Variants in SH3RF3 observed in about 807,000 individuals in gnomAD.
SH3RF3 encodes SH3 domain containing ring finger 3.
A neutral mutation model predicts 66.3 loss-of-function variants in SH3RF3; 29 were observed. That is an observed-to-expected ratio of 0.44 (90% CI 0.33 to 0.60). The LOEUF is 0.60. Ranked by LOEUF, SH3RF3 falls within the 20% of genes least tolerant of loss-of-function variation. The probability of loss-of-function intolerance (pLI) is 0.04; values close to 1 mark genes in which losing one functional copy is unlikely to be tolerated. For missense variants in SH3RF3, 1,194 were observed against 1,190.9 expected (o/e 1.00, Z -0.04); for synonymous variants, 583 against 532.0 (o/e 1.10, Z -1.32).
chr2:109,171,678 C>T (rs1450953669), intron 1 of SH3RF3, among the ~76,000 whole-genome samples: 1 of 152,232 alleles, frequency 6.6e-6, no homozygotes, highest in African/African-American at 2.4e-5. Flanking sequence ...TAGTCTGGGC[C>T]TTTGGGAGTT....
chr2:109,427,416 C>T (rs1677058523), intron 5 of SH3RF3, among the ~76,000 whole-genome samples: 1 of 152,122 alleles, frequency 6.6e-6, no homozygotes, highest in South Asian at 2.1e-4. Flanking sequence ...AATATTTGCT[C>T]TATTGGGGCA....
intron 1 of SH3RF3, among the ~76,000 whole-genome samples, chr2:109,275,006 G>A (rs1335394418): frequency 6.6e-6 from 1 of 152,048 alleles, no homozygotes; most frequent in Non-Finnish European, 1.5e-5. Flanking sequence ...CTAGTTCTAA[G>A]CACCATTTAT....
At chr2:109,356,258 C>A (rs1682942151) in intron 2 of SH3RF3, among the ~76,000 whole-genome samples, 1 of 152,156 alleles carries the variant, frequency 6.6e-6, no homozygotes, top group African/African-American at 2.4e-5. Flanking sequence ...TAGGAACATT[C>A]TAGATCCCAC....
intron 1 of SH3RF3, among the ~76,000 whole-genome samples, chr2:109,269,542 A>G (rs1003088183): frequency 2.0e-5 from 3 of 152,210 alleles, no homozygotes; most frequent in African/African-American, 7.2e-5. Flanking sequence ...GCACTTTGGG[A>G]GGCCAAGTCT....
intron 5 of SH3RF3, among the ~76,000 whole-genome samples, chr2:109,430,693 G>A (rs1677184520): frequency 1.3e-5 from 2 of 152,214 alleles, no homozygotes; most frequent in African/African-American, 4.8e-5. Flanking sequence ...GATGGGAACA[G>A]AATCACACCC....
At chr2:109,397,142 CAG>C (rs1307822598) in intron 3 of SH3RF3, among the ~76,000 whole-genome samples, 1 of 152,148 alleles carries the variant, frequency 6.6e-6, no homozygotes, top group Non-Finnish European at 1.5e-5. Flanking sequence ...CCCTGGCAGA[CAG>C]AATGTGCCAG....
At chr2:109,460,273 A>G (rs1464873382) in intron 8 of SH3RF3, among the ~76,000 whole-genome samples, 3 of 152,100 alleles carry the variant, frequency 2.0e-5, no homozygotes, top group African/African-American at 7.2e-5. Flanking sequence ...AATAGTATCC[A>G]TTCCAGGAAG....
In SH3RF3 at chr2:109,448,797, T is replaced by A. The variant is rs114109148; in HGVS notation, c.1829-373T>A. 2.4e-3 allele frequency among the ~76,000 whole-genome samples: 364 copies of A among 152,280 alleles called. 1 individual carries two copies. The highest frequency in any genetic ancestry group is 8.2e-3 in the African/African-American group (340 of 41,568). On this transcript the variant is annotated intron_variant, in intron 7 of 9. Coordinates refer to ENST00000309415, the MANE Select transcript of SH3RF3 (RefSeq NM_001099289.3). ...CCCCTGCCTCAGTCTGTGGAAAAAT[T>A]GTCTTCCACAAAACGGGTCCTTGGT... is the stretch of plus-strand genomic sequence containing the variant.
intron 9 of SH3RF3, among the ~76,000 whole-genome samples, chr2:109,493,268 C>A (rs1436836383): frequency 2.0e-5 from 3 of 147,710 alleles, no homozygotes; most frequent in Non-Finnish European, 4.5e-5. Context: ...CAAACACACA[C>A]CCCACGTACA....
At chr2:109,365,891 T>G (rs1683143676) in intron 2 of SH3RF3, among the ~76,000 whole-genome samples, 1 of 152,232 alleles carries the variant, frequency 6.6e-6, no homozygotes, top group Admixed American at 6.5e-5. Flanking sequence ...GAAAAGTATA[T>G]TTTTGATATT....
chr2:109,357,839 CT>C (rs1682981943), intron 2 of SH3RF3, among the ~76,000 whole-genome samples: 1 of 152,208 alleles, frequency 6.6e-6, no homozygotes, highest in Non-Finnish European at 1.5e-5. Flanking sequence ...ACCTCTGCCC[CT>C]ACATGCAAAG....
At chr2:109,412,137 T>A (rs1651485569) in intron 4 of SH3RF3, among the ~76,000 whole-genome samples, 1 of 152,208 alleles carries the variant, frequency 6.6e-6, no homozygotes, top group Non-Finnish European at 1.5e-5. Flanking sequence ...ACAGATGGGA[T>A]GGTGAGCCTT....
At chr2:109,326,359 CT>C (rs1010103615) in intron 1 of SH3RF3, among the ~76,000 whole-genome samples, 5 of 150,704 alleles carry the variant, frequency 3.3e-5, no homozygotes, top group East Asian at 1.9e-4. Context: ...TGTTGTTGTT[CT>C]TTTTTTTTAA....
chr2:109,333,218 T>C (rs1682329678), intron 1 of SH3RF3, among the ~76,000 whole-genome samples: 1 of 152,204 alleles, frequency 6.6e-6, no homozygotes, highest in African/African-American at 2.4e-5. Context: ...TCTATCAGGT[T>C]CAGGCATTCT....
At chr2:109,462,979 A>T (rs1038000439) in intron 8 of SH3RF3, among the ~76,000 whole-genome samples, 18 of 152,194 alleles carry the variant, frequency 1.2e-4, no homozygotes, top group Non-Finnish European at 2.9e-5. Flanking sequence ...TCACCCTGTT[A>T]AGGTAGATCC....
rs187828428 is a variant in SH3RF3 at position 109,275,662 on chromosome 2, G to T, written c.574-72012G>T. 2.4e-4 allele frequency among the ~76,000 whole-genome samples: 37 copies of T among 152,272 alleles called. 1 individual carries two copies. The East Asian group carries it at 7.0e-3, about 29-fold the overall frequency. On this transcript the variant is annotated intron_variant, in intron 1 of 9. Coordinates refer to ENST00000309415, the MANE Select transcript of SH3RF3 (RefSeq NM_001099289.3). ...CTTCCAAGTTCAAGGATTAGCTGAG[G>T]TTGTCTGGATGCTTGATTAGCGCGT...
chr2:109,175,181 A>C (rs1331943619), intron 1 of SH3RF3, among the ~76,000 whole-genome samples: 1 of 152,286 alleles, frequency 6.6e-6, no homozygotes, highest in East Asian at 1.9e-4. Context: ...ATTGGAGTCC[A>C]TCATTTCAGA....
At chr2:109,412,848 A>T (rs527502620) in intron 4 of SH3RF3, among the ~76,000 whole-genome samples, 1 of 152,388 alleles carries the variant, frequency 6.6e-6, no homozygotes, top group East Asian at 1.9e-4. Flanking sequence ...ACTTCTTGCC[A>T]TGAAAATACA....
intron 1 of SH3RF3, among the ~76,000 whole-genome samples, chr2:109,193,858 A>G (rs569103870): frequency 6.6e-6 from 1 of 152,078 alleles, no homozygotes; most frequent in Non-Finnish European, 1.5e-5. Context: ...AGCCCCGGGG[A>G]TGGGTTTTCT....
Sources: gnomAD v4.1 joint callset for allele counts (sites outside exome capture counted in the v4.1 genomes callset) on GRCh38, gnomAD v4.1.1 for gene constraint, MANE v1.5 for transcripts, NCBI Gene and HGNC (gene_info 2026-07-23, HGNC 2026-07-21) for gene names.